PCDHA7: variants seen among roughly 807,000 people sequenced by gnomAD.
PCDHA7 encodes the protein protocadherin alpha-7.
A neutral mutation model predicts 57.2 loss-of-function variants in PCDHA7; 37 were observed. The observed-to-expected ratio is 0.65, with a 90% CI of 0.50 to 0.85. The LOEUF (loss-of-function observed/expected upper bound fraction) is 0.85. PCDHA7 is among the 40% of genes least tolerant of loss of function. PCDHA7 has a pLI of 0.00. For missense variants in PCDHA7, 1,188 were observed against 1,241.8 expected (o/e 0.96, Z 0.65); for synonymous variants, 553 against 558.8 (o/e 0.99, Z 0.15).
chr5:140,870,420 G>C lies in PCDHA7; in HGVS notation c.2355+33682G>C, dbSNP rs371557347. 1.3e-4 allele frequency: 208 copies of C among 1,614,234 alleles called. No homozygotes were observed. The highest frequency in any genetic ancestry group is 1.7e-4 in the Non-Finnish European group (202 of 1,180,052). Reference sequence around the variant, plus strand: ...CGCCTTCTCTGTGGGCCACGGCCAGGGTATCCGTGGAGGTGGCCGACGTGA... The same window carrying C: ...CGCCTTCTCTGTGGGCCACGGCCAGCGTATCCGTGGAGGTGGCCGACGTGA... On this transcript the variant is annotated intron_variant, in intron 1 of 3. Transcript: ENST00000525929.
At chr5:140,988,942 G>C (rs1236805502) in intron 3 of PCDHA7, 1 of 152,180 alleles carries the variant, frequency 6.6e-6, no homozygotes, top group East Asian at 1.9e-4. Context: ...CTCTTAGGCT[G>C]CAGTTTCCTT....
chr5:141,002,555 A>C (rs1349538713), intron 3 of PCDHA7, among the ~76,000 whole-genome samples: 1 of 152,222 alleles, frequency 6.6e-6, no homozygotes, highest in Admixed American at 6.5e-5. Context: ...CCCAGGATCC[A>C]CCAGTTAGTG....
At chr5:140,856,907 A>G (rs2044265676) in intron 1 of PCDHA7, 3 of 1,596,440 alleles carry the variant, frequency 1.9e-6, no homozygotes, top group African/African-American at 2.7e-5. Context: ...GGTCCCACCC[A>G]CGATAAGAAG....
chr5:140,980,252 A>C (rs993133768), intron 2 of PCDHA7, among the ~76,000 whole-genome samples: 6 of 152,188 alleles, frequency 3.9e-5, no homozygotes, highest in African/African-American at 1.4e-4. Context: ...CAATGGGTAA[A>C]AGCATGGTTT....
chr5:140,946,974 G>A (rs1554217987), intron 1 of PCDHA7, among the ~76,000 whole-genome samples: 1 of 151,636 alleles, frequency 6.6e-6, no homozygotes, highest in African/African-American at 2.4e-5. Context: ...TTATAGAATA[G>A]AGGATTTTGA....
At chr5:140,958,620 T>C (rs1260968586) in intron 1 of PCDHA7, among the ~76,000 whole-genome samples, 1 of 152,132 alleles carries the variant, frequency 6.6e-6, no homozygotes, top group African/African-American at 2.4e-5. Flanking sequence ...CTAGTCCAGC[T>C]TGAGAGTACT....
rs2150377192 is a variant in PCDHA7, at chr5:140,845,186, A to C, written c.2355+8448A>C. On this transcript the variant is annotated intron_variant, in intron 1 of 3. Transcript: ENST00000525929. ...TTGTTTTCATTTTAGTCCTTTAAAAAATATGATTGTTTTCATTTAAGTCCT... is the reference window on the plus strand; with the variant it reads ...TTGTTTTCATTTTAGTCCTTTAAAACATATGATTGTTTTCATTTAAGTCCT... 3.3e-5 allele frequency among the ~76,000 whole-genome samples: 5 copies of C among 149,420 alleles called. 1 individual carries two copies. The highest frequency in any genetic ancestry group is 7.5e-5 in the Non-Finnish European group (5 of 66,806).
intron 1 of PCDHA7, chr5:140,860,221 A>G (rs545032981): frequency 3.3e-5 from 5 of 149,836 alleles, no homozygotes; most frequent in Non-Finnish European, 7.4e-5. Flanking sequence ...ACTTATGTAT[A>G]TATAAGCCAG....
intron 1 of PCDHA7, chr5:140,869,694 G>A (rs782372405): frequency 6.2e-7 from 1 of 1,613,394 alleles, no homozygotes; most frequent in Non-Finnish European, 8.5e-7. Flanking sequence ...TTATTTTAAA[G>A]AAGTCTCTGG....
Position 140,836,052 on chromosome 5 carries a change from G to C in PCDHA7, c.1669G>C (p.Asp557His). Reference sequence around the variant, plus strand: ...CGTGACGCTGCAGGTGTTCGTGCTGGACGAGAACGACAACGCGCCGGCACT... The same window carrying C: ...CGTGACGCTGCAGGTGTTCGTGCTGCACGAGAACGACAACGCGCCGGCACT... ...SNVTLQVFVL[D>H]ENDNAPALLA... is the part of the protein sequence containing the mutation. The change falls in exon 1 of 4, where the codon GAC becomes CAC. Residue 557 changes from aspartate to histidine, a missense_variant. Asp to His is a moderately conservative substitution (Grantham distance 81). This residue lies in a region of PCDHA7 where 892 missense variants were observed against 788.5 expected (regional missense o/e 1.13). Coordinates refer to ENST00000525929, the MANE Select transcript of PCDHA7 (RefSeq NM_018910.3). The C allele has an allele frequency of 1.2e-6, 2 of 1,613,612 alleles. No individual in the cohort carries two copies. The highest frequency in any genetic ancestry group is 1.7e-6 in the Non-Finnish European group (2 of 1,179,762).
At chr5:140,902,406 T>A (rs1166768605) in intron 1 of PCDHA7, among the ~76,000 whole-genome samples, 1 of 152,088 alleles carries the variant, frequency 6.6e-6, no homozygotes, top group Non-Finnish European at 1.5e-5. Flanking sequence ...AATACTATGT[T>A]GAATAACAGT....
At position 140,970,818 on chromosome 5, in the gene PCDHA7, G is replaced by A. The variant is rs77234853; in HGVS notation, c.2356-8131G>A. Among the ~76,000 whole-genome samples, 569 of 152,084 alleles carry A rather than the reference G, an allele frequency of 3.7e-3. 1 individual carries two copies. The highest frequency in any genetic ancestry group is 5.8e-3 in the South Asian group (28 of 4,824). On this transcript the variant is annotated intron_variant, in intron 1 of 3. Coordinates refer to ENST00000525929, the MANE Select transcript of PCDHA7 (RefSeq NM_018910.3). ...CATATTGTTACATTTCAAGTTCATGGTAATCTTGAGGAATGTAATGCACAG... is the reference window on the plus strand; with the variant it reads ...CATATTGTTACATTTCAAGTTCATGATAATCTTGAGGAATGTAATGCACAG...
At chr5:140,858,424 C>T in intron 1 of PCDHA7, 3 of 1,553,410 alleles carry the variant, frequency 1.9e-6, no homozygotes, top group Non-Finnish European at 2.6e-6. Context: ...TTGGAGGGGA[C>T]CACTCTAGGA....
At chr5:140,841,684 G>C in intron 1 of PCDHA7, 1 of 1,613,954 alleles carries the variant, frequency 6.2e-7, no homozygotes, top group South Asian at 1.1e-5. Context: ...ATGTGGACGT[G>C]GAGGTGAAGG....
At chr5:140,980,094 TA>T (rs1554241421) in intron 2 of PCDHA7, among the ~76,000 whole-genome samples, 1 of 152,218 alleles carries the variant, frequency 6.6e-6, no homozygotes, top group African/African-American at 2.4e-5. Context: ...GTTGGCTTGG[TA>T]AGATGTCACA....
intron 1 of PCDHA7, among the ~76,000 whole-genome samples, chr5:140,902,712 C>T (rs1207971068): frequency 6.6e-6 from 1 of 152,008 alleles, no homozygotes; most frequent in African/African-American, 2.4e-5. Flanking sequence ...CTTTCACTCC[C>T]CTCCCACCCT....
chr5:140,836,596 C>T lies in PCDHA7; in HGVS notation c.2213C>T (p.Thr738Ile), dbSNP rs2150264981. ...GGCGCATGTAGTTTGGTAAAGCCCA[C>T]TCTGGTGTGCTCCAGCGCGGTGGGG... ...SEGACSLVKP[T>I]LVCSSAVGSW... Residue 738 changes from threonine (T) to isoleucine (I), a missense_variant, in exon 1 of 4, where the codon ACT (threonine) becomes ATT (isoleucine). Coordinates refer to ENST00000525929, the MANE Select transcript of PCDHA7 (RefSeq NM_018910.3). 6.2e-7 allele frequency: 1 copy of T among 1,613,764 alleles called. No individual in the cohort carries two copies. Among genetic ancestry groups the T allele is most frequent in the Non-Finnish European group, 8.5e-7 (1 of 1,179,834 alleles).
At position 141,012,226 on chromosome 5, in the gene PCDHA7, A is replaced by G. The variant is rs1021307000; in HGVS notation, c.*2289A>G. Reference sequence around the variant, plus strand: ...TTTTACATTTGCGAAGTGCTTTCCAATCCATGTTAGTTACTAGTTATTACA... The same window carrying G: ...TTTTACATTTGCGAAGTGCTTTCCAGTCCATGTTAGTTACTAGTTATTACA... On this transcript the variant is annotated 3_prime_UTR_variant, in exon 4 of 4. Transcript: ENST00000525929. The G allele has an allele frequency of 2.6e-5, 4 of 153,758 alleles. No individual in the cohort carries two copies. Among genetic ancestry groups the G allele is most frequent in the African/African-American group, 9.7e-5 (4 of 41,442 alleles). 9.5% of individuals were successfully genotyped at this position (153,758 alleles called of 1,614,324 possible). A position where few individuals can be genotyped will look rare whatever the true frequency, so the allele number is the denominator to read the frequency against.
In PCDHA7 at chr5:140,835,744, C is replaced by A; in HGVS notation, c.1361C>A (p.Ala454Glu). The A allele has an allele frequency of 1.2e-6, 2 of 1,613,652 alleles. No homozygotes were observed. The highest frequency in any genetic ancestry group is 1.7e-6 in the Non-Finnish European group (2 of 1,179,846). The change falls in exon 1 of 4, where the codon GCG becomes GAG. Residue 454 changes from alanine (A) to glutamate (E), a missense_variant. Around this residue, in one of 3 missense-constraint regions of PCDHA7, gnomAD observed 892 missense variants for 788.5 expected, o/e 1.13. Transcript: ENST00000525929. ...GCCGACGTGAACGACAACGCCCCGGCGTTCGCGCAGCCCGAGTATACGGTG... is the reference window on the plus strand; with the variant it reads ...GCCGACGTGAACGACAACGCCCCGGAGTTCGCGCAGCCCGAGTATACGGTG... ...EVADVNDNAPAFAQPEYTVFV... is the reference protein window; with the variant it reads ...EVADVNDNAPEFAQPEYTVFV...
Sources: allele counts gnomAD v4.1 joint callset (sites outside exome capture counted in the v4.1 genomes callset), GRCh38; gene constraint gnomAD v4.1.1; regional missense constraint gnomAD v4.1.1; transcripts MANE v1.5; gene names NCBI Gene and HGNC (gene_info 2026-07-23, HGNC 2026-07-21).